RP1: variants seen among roughly 807,000 people sequenced by gnomAD.
RP1 encodes the protein oxygen-regulated protein 1.
RP1 carries 16 observed loss-of-function variants against 14.8 expected under a neutral mutation model. The ratio of observed to expected loss-of-function variants is 1.08; its 90% CI spans 0.73 to 1.65. RP1 has a LOEUF of 1.65. Among genes scored for constraint, RP1 ranks in the 40% most tolerant of loss-of-function variants. The pLI is 0.00. For missense variants in RP1, 2,631 were observed against 2,535.0 expected (o/e 1.04, Z -0.81); for synonymous variants, 876 against 883.6 (o/e 0.99, Z 0.15).
At chr8:54,591,205 T>C (rs992640062) in intron 1 of RP1, among the ~76,000 whole-genome samples, 1 of 152,148 alleles carries the variant, frequency 6.6e-6, no homozygotes, top group Non-Finnish European at 1.5e-5. Context: ...AACATCAAAA[T>C]ACCTTAAAAA....
intron 1 of RP1, among the ~76,000 whole-genome samples, chr8:54,598,741 C>A (rs978433053): frequency 6.6e-6 from 1 of 152,148 alleles, no homozygotes; most frequent in Non-Finnish European, 1.5e-5. Flanking sequence ...GGACATAGAA[C>A]TGTGGTTGAC....
In RP1 at chr8:54,625,321, T is replaced by A; in HGVS notation, c.1439T>A (p.Ile480Asn). 1 of 1,614,162 alleles carries A rather than the reference T, an allele frequency of 6.2e-7. No individual in the cohort carries two copies. Among genetic ancestry groups the A allele is most frequent in the Admixed American group, 1.7e-5 (1 of 60,028 alleles). ...GAAACTGAGGTTCAAGAGAAAATGATTGGACAGTTTTCATATAGTGAAGAA... is the reference window on the plus strand; with the variant it reads ...GAAACTGAGGTTCAAGAGAAAATGAATGGACAGTTTTCATATAGTGAAGAA... ...VSETEVQEKM[I>N]GQFSYSEERE... The change falls in exon 4 of 4, where the codon ATT (isoleucine) becomes AAT (asparagine). Residue 480 changes from isoleucine to asparagine, a missense_variant. Coordinates refer to ENST00000220676, the MANE Select transcript of RP1 (RefSeq NM_006269.2).
At position 54,625,117 on chromosome 8, in the gene RP1, T is replaced by C. The variant is rs770912667; in HGVS notation, c.1235T>C (p.Met412Thr). 1 of 1,614,156 alleles carries C rather than the reference T, an allele frequency of 6.2e-7. No homozygotes were observed. Among genetic ancestry groups the C allele is most frequent in the Non-Finnish European group, 8.5e-7 (1 of 1,180,036 alleles). Residue 412 changes from methionine to threonine, a missense_variant, in exon 4 of 4, where the codon ATG becomes ACG. Coordinates refer to ENST00000220676, the MANE Select transcript of RP1 (RefSeq NM_006269.2). Reference sequence around the variant, plus strand: ...TTGGCAGAGGAGATAAACATTCAAATGACAGATCAAGTGGCTGAAACTTGC... The same window carrying C: ...TTGGCAGAGGAGATAAACATTCAAACGACAGATCAAGTGGCTGAAACTTGC... The part of the protein sequence containing the change: ...GSLAEEINIQ[M>T]TDQVAETCSS...
upstream of RP1, among the ~76,000 whole-genome samples, chr8:54,613,916 C>A (rs897599320): frequency 6.6e-6 from 1 of 152,138 alleles, no homozygotes; most frequent in African/African-American, 2.4e-5. Context: ...GGCATGAAGT[C>A]ATTTACTAAA....
chr8:54,863,909 G>A (rs991193494), intron 27 of RP1, among the ~76,000 whole-genome samples: 1 of 152,196 alleles, frequency 6.6e-6, no homozygotes, highest in Non-Finnish European at 1.5e-5. Context: ...GGGTCATGGT[G>A]CATTTCTTAT....
intron 19 of RP1, among the ~76,000 whole-genome samples, chr8:54,741,735 A>G (rs553736478): frequency 2.2e-5 from 3 of 136,942 alleles, no homozygotes; most frequent in African/African-American, 8.0e-5. Context: ...ATATATATAT[A>G]TATATATATA....
chr8:54,634,729 T>C (rs1443285177), downstream of RP1, among the ~76,000 whole-genome samples: 2 of 152,166 alleles, frequency 1.3e-5, no homozygotes, highest in African/African-American at 4.8e-5. Context: ...TTAGAGAAGA[T>C]ACGTTCATCT....
At chr8:54,714,508 G>A (rs1280223819) in intron 15 of RP1, among the ~76,000 whole-genome samples, 1 of 152,052 alleles carries the variant, frequency 6.6e-6, no homozygotes, top group Non-Finnish European at 1.5e-5. Context: ...AACTAATTAT[G>A]TGTCACCCAC....
Position 54,629,250 on chromosome 8 carries a change from A to G in RP1, c.5368A>G (p.Asn1790Asp). The change falls in exon 4 of 4, where the codon AAT becomes GAT. Residue 1790 changes from asparagine (N) to aspartate (D), a missense_variant. Coordinates refer to ENST00000220676, the MANE Select transcript of RP1 (RefSeq NM_006269.2). ...TGAGGTACCATATTCACATTTTGGT[A>G]ATTTGGCCCCAGGCCCAACGATGGA... Reference protein sequence around the residue: ...SSEVPYSHFGNLAPGPTMDEL... With the variant: ...SSEVPYSHFGDLAPGPTMDEL... The G allele has an allele frequency of 1.2e-6, 2 of 1,613,954 alleles. No individual in the cohort carries two copies. Among genetic ancestry groups the G allele is most frequent in the Non-Finnish European group, 1.7e-6 (2 of 1,179,890 alleles).
chr8:54,772,852 T>C (rs1420330235), downstream of RP1, among the ~76,000 whole-genome samples: 1 of 152,198 alleles, frequency 6.6e-6, no homozygotes, highest in Non-Finnish European at 1.5e-5. Flanking sequence ...TTGTGTTATT[T>C]TTTTAACCTA....
At chr8:54,834,306 C>G (rs4737722) in intron 24 of RP1, among the ~76,000 whole-genome samples, 46,446 of 151,664 alleles carry the variant, frequency 0.31, 7,319 homozygotes, top group South Asian at 0.37. Flanking sequence ...TCAGGGGTTC[C>G]GGAGTAGGAG....
chr8:54,814,847 C>T (rs1398039187), intron 24 of RP1, among the ~76,000 whole-genome samples: 3 of 152,174 alleles, frequency 2.0e-5, no homozygotes, highest in African/African-American at 4.8e-5. Context: ...TTTGGAAACA[C>T]CAACATGCAC....
At chr8:54,836,616 G>A (rs1811662467) in intron 24 of RP1, among the ~76,000 whole-genome samples, 1 of 152,154 alleles carries the variant, frequency 6.6e-6, no homozygotes, top group Non-Finnish European at 1.5e-5. Flanking sequence ...ACAGGATCCT[G>A]CTAACAGCGT....
intron 1 of RP1, among the ~76,000 whole-genome samples, chr8:54,577,670 CT>C (rs1439866143): frequency 6.6e-6 from 1 of 152,078 alleles, no homozygotes; most frequent in African/African-American, 2.4e-5. Flanking sequence ...TCATTTAATC[CT>C]CAAGATAATA....
intron 1 of RP1, among the ~76,000 whole-genome samples, chr8:54,601,745 A>C (rs933784545): frequency 1.3e-5 from 2 of 152,222 alleles, no homozygotes; most frequent in Non-Finnish European, 1.5e-5. Flanking sequence ...AAAATATTTG[A>C]AAATAATAAG....
chr8:54,810,411 T>A (rs1415586694), intron 24 of RP1, among the ~76,000 whole-genome samples: 1 of 152,168 alleles, frequency 6.6e-6, no homozygotes, highest in Non-Finnish European at 1.5e-5. Context: ...GTCCCACCAC[T>A]CTATCTTTTG....
intron 15 of RP1, among the ~76,000 whole-genome samples, chr8:54,713,388 A>G (rs1244176954): frequency 6.6e-6 from 1 of 152,212 alleles, no homozygotes; most frequent in Non-Finnish European, 1.5e-5. Context: ...GGTGGAACTC[A>G]CTAAGCATGA....
At chr8:54,652,744 A>G (rs997590399) in intron 4 of RP1, 1 of 1,443,412 alleles carries the variant, frequency 6.9e-7, no homozygotes, top group African/African-American at 1.4e-5. Flanking sequence ...AATTTTGTGA[A>G]ATTACATTGA....
At chr8:54,598,244 T>C (rs1259486676) in intron 1 of RP1, among the ~76,000 whole-genome samples, 1 of 152,216 alleles carries the variant, frequency 6.6e-6, no homozygotes, top group Non-Finnish European at 1.5e-5. Flanking sequence ...TGGAATACTT[T>C]AACATATTTT....
Sources: gnomAD v4.1 joint callset for allele counts (sites outside exome capture counted in the v4.1 genomes callset) on GRCh38, gnomAD v4.1.1 for gene constraint, MANE v1.5 for transcripts, NCBI Gene and HGNC (gene_info 2026-07-23, HGNC 2026-07-21) for gene names.